Variants in KIF26B observed in about 807,000 individuals in gnomAD.
The protein encoded by KIF26B is kinesin-like protein KIF26B.
KIF26B carries 63 observed loss-of-function variants against 151.2 expected under a neutral mutation model. The ratio of observed to expected loss-of-function variants is 0.42; its 90% CI spans 0.34 to 0.51. KIF26B has a LOEUF of 0.51. Ranked by LOEUF, KIF26B falls within the 20% of genes least tolerant of loss-of-function variation. The probability of loss-of-function intolerance (pLI) is 0.07; values close to 1 mark genes in which losing one functional copy is unlikely to be tolerated. For missense variants in KIF26B, 2,813 were observed against 2,913.6 expected (o/e 0.97, Z 0.79); for synonymous variants, 1,357 against 1,262.1 (o/e 1.08, Z -1.59).
At chr1:245,390,943 A>AAAAAAAAAAAAAAAAAAAAAACAAAAC (rs1553270131) in intron 3 of KIF26B, among the ~76,000 whole-genome samples, 1 of 118,412 alleles carries the variant, frequency 8.4e-6, no homozygotes, top group African/African-American at 4.1e-5. Context: ...AAAAAAAAAA[A>AAAAAAAAAAAAAAAAAAAAAACAAAAC]AAAAAAAAAC....
chr1:245,369,450 CGTT>C (rs1471040565), intron 3 of KIF26B, among the ~76,000 whole-genome samples: 2 of 152,178 alleles, frequency 1.3e-5, no homozygotes, highest in Non-Finnish European at 2.9e-5. Flanking sequence ...AAGTGGGAAA[CGTT>C]GATCATTATC....
intron 3 of KIF26B, among the ~76,000 whole-genome samples, chr1:245,369,871 G>A (rs1289402329): frequency 6.6e-6 from 1 of 152,202 alleles, no homozygotes; most frequent in East Asian, 1.9e-4. Context: ...CTTCTGGGAT[G>A]TGTATATAAA....
rs917076594 is a variant in KIF26B, at chr1:245,369,426, G to C, written c.999+2059G>C. 2.2e-4 allele frequency among the ~76,000 whole-genome samples: 33 copies of C among 152,336 alleles called. 1 individual carries two copies. The highest frequency in any genetic ancestry group is 7.2e-4 in the African/African-American group (30 of 41,568). ...GCGTTTGAGAGTGTTCATGTCTCTT[G>C]CTATCTTGAAAGAAAGTGGGAAACG... On this transcript the variant is annotated intron_variant, in intron 3 of 14. Coordinates refer to ENST00000407071, the MANE Select transcript of KIF26B (RefSeq NM_018012.4).
chr1:245,179,923 C>A (rs973014200), intron 2 of KIF26B, among the ~76,000 whole-genome samples: 1 of 152,118 alleles, frequency 6.6e-6, no homozygotes, highest in Admixed American at 6.5e-5. Flanking sequence ...ATGGCCTGTG[C>A]GGGCCTGGGT....
chr1:245,547,570 A>AGC (rs1469991150), intron 5 of KIF26B, among the ~76,000 whole-genome samples: 1 of 126,214 alleles, frequency 7.9e-6, no homozygotes, highest in Non-Finnish European at 1.6e-5. Context: ...TGGGCGACAG[A>AGC]GCGAGACTCC....
chr1:245,454,512 T>A (rs920793129), intron 4 of KIF26B, among the ~76,000 whole-genome samples: 1 of 152,208 alleles, frequency 6.6e-6, no homozygotes, highest in African/African-American at 2.4e-5. Context: ...TGTCTCCCTC[T>A]GAGGTGCTCA....
At chr1:245,162,714 A>T (rs1668553231) in intron 2 of KIF26B, among the ~76,000 whole-genome samples, 1 of 152,106 alleles carries the variant, frequency 6.6e-6, no homozygotes, top group Non-Finnish European at 1.5e-5. Flanking sequence ...AGGACTGGGG[A>T]TACACCTGTA....
intron 10 of KIF26B, among the ~76,000 whole-genome samples, chr1:245,661,498 T>C (rs986189202): frequency 1.3e-5 from 2 of 151,618 alleles, no homozygotes; most frequent in Non-Finnish European, 2.9e-5. Flanking sequence ...TGTACACCCA[T>C]TATATACACC....
Position 245,698,303 on chromosome 1 carries a change from A to G in KIF26B, c.6022A>G (p.Ser2008Gly), listed in dbSNP as rs773753480. The change falls in exon 13 of 15, where the codon AGC becomes GGC. Residue 2008 changes from serine (S) to glycine (G), a missense_variant. By Grantham distance (56) the Ser-to-Gly change is moderately conservative. Around this residue, in one of 3 missense-constraint regions of KIF26B, gnomAD observed 2,060 missense variants for 2,088.6 expected, o/e 0.99. Coordinates refer to ENST00000407071, the MANE Select transcript of KIF26B (RefSeq NM_018012.4). This position sits in a 1 kb window ranked among gnomAD's most constrained non-coding sequence, Gnocchi z 4.0. ...ERLQRRRGGASKEAMCFNAKL... is the reference protein window; with the variant it reads ...ERLQRRRGGAGKEAMCFNAKL... ...CCTGCAGCGGCGACGAGGGGGTGCC[A>G]GCAAGGTGAGGCAGCCTCCTTCCCA... 3 of 1,613,020 alleles carry G rather than the reference A, an allele frequency of 1.9e-6. No individual in the cohort carries two copies. The highest frequency in any genetic ancestry group is 4.5e-5 in the East Asian group (2 of 44,852).
intron 10 of KIF26B, among the ~76,000 whole-genome samples, chr1:245,678,714 A>G (rs929546943): frequency 6.6e-6 from 1 of 151,708 alleles, no homozygotes; most frequent in Non-Finnish European, 1.5e-5. Flanking sequence ...AATACAAAAA[A>G]TTGCTGGGCG....
At chr1:245,633,554 TCTC>T (rs1187669644) in intron 9 of KIF26B, among the ~76,000 whole-genome samples, 1 of 152,154 alleles carries the variant, frequency 6.6e-6, no homozygotes, top group Non-Finnish European at 1.5e-5. Flanking sequence ...TCTTGCGTAT[TCTC>T]ACGGTGGTAG....
intron 4 of KIF26B, among the ~76,000 whole-genome samples, chr1:245,444,262 G>C (rs533370378): frequency 6.6e-6 from 1 of 152,334 alleles, no homozygotes; most frequent in South Asian, 2.1e-4. Context: ...GAGGAGGCGG[G>C]TGGTGAATCC....
At chr1:245,202,798 G>A (rs1669325424) in intron 2 of KIF26B, among the ~76,000 whole-genome samples, 1 of 149,346 alleles carries the variant, frequency 6.7e-6, no homozygotes, top group African/African-American at 2.5e-5. Context: ...AAAAACAGCC[G>A]GGCATGGTGG....
intron 2 of KIF26B, among the ~76,000 whole-genome samples, chr1:245,214,421 A>G (rs1346774881): frequency 6.6e-6 from 1 of 152,072 alleles, no homozygotes; most frequent in East Asian, 1.9e-4. Flanking sequence ...AGAAATACAA[A>G]GGAGCATAAA....
intron 4 of KIF26B, among the ~76,000 whole-genome samples, chr1:245,500,105 C>T (rs1047842196): frequency 2.6e-5 from 4 of 152,220 alleles, no homozygotes; most frequent in African/African-American, 4.8e-5. Context: ...CTTACATATT[C>T]ATTGTCTAAG....
intron 2 of KIF26B, among the ~76,000 whole-genome samples, chr1:245,334,345 ACT>A (rs376687614): frequency 5.6e-4 from 85 of 152,274 alleles, no homozygotes; most frequent in South Asian, 2.3e-3. Context: ...GTGTTAACTA[ACT>A]CTGTTCAGTC....
chr1:245,429,074 T>A (rs1658715290), intron 4 of KIF26B, among the ~76,000 whole-genome samples: 1 of 152,126 alleles, frequency 6.6e-6, no homozygotes, highest in Non-Finnish European at 1.5e-5. Context: ...AGCCAGACAC[T>A]GACATTCTGA....
rs533018875 is a variant in KIF26B, at chr1:245,368,679, C to T, written c.999+1312C>T. ...GGACTCAGACTTCTTCCACCAAATGCGTCACCATCTTCCAGGGGCCTCAAG... is the reference window on the plus strand; with the variant it reads ...GGACTCAGACTTCTTCCACCAAATGTGTCACCATCTTCCAGGGGCCTCAAG... On this transcript the variant is annotated intron_variant, in intron 3 of 14. Transcript: ENST00000407071. Among the ~76,000 whole-genome samples, 13 of 152,280 alleles carry T rather than the reference C, an allele frequency of 8.5e-5. No homozygotes were observed. In the South Asian group the frequency reaches 1.0e-3, roughly 12 times the overall value.
At chr1:245,211,454 C>T (rs554985251) in intron 2 of KIF26B, among the ~76,000 whole-genome samples, 40 of 152,282 alleles carry the variant, frequency 2.6e-4, no homozygotes, top group Admixed American at 2.2e-3. Flanking sequence ...GGCTGGAGTG[C>T]GGTGGCCCAA....
Sources: gnomAD v4.1 joint callset for allele counts (sites outside exome capture counted in the v4.1 genomes callset) on GRCh38, gnomAD v4.1.1 for gene constraint, gnomAD v4.1.1 regional missense constraint, Gnocchi (gnomAD v3.1) non-coding constraint, MANE v1.5 for transcripts, NCBI Gene and HGNC (gene_info 2026-07-23, HGNC 2026-07-21) for gene names.